TMEM255A: variants seen among roughly 807,000 people sequenced by gnomAD.
TMEM255A encodes the protein transmembrane protein 255A, also known as family with sequence similarity 70, member A.
In TMEM255A, 14 loss-of-function variants were observed where a neutral mutation model predicts 23.5. That is an observed-to-expected ratio of 0.60 (90% CI 0.39 to 0.93). The LOEUF is 0.93. TMEM255A is among the 40% of genes least tolerant of loss of function. TMEM255A has a pLI of 0.00. For missense variants in TMEM255A, 233 were observed against 261.7 expected, an observed-to-expected ratio of 0.89 and a Z score of 0.76; for synonymous variants, 104 against 100.3, an observed-to-expected ratio of 1.04 and a Z score of -0.22.
At chrX:120,276,078 G>A (rs1216177494) in intron 7 of TMEM255A, among the ~76,000 whole-genome samples, 1 of 111,350 alleles carries the variant, frequency 9.0e-6, no homozygotes, top group Non-Finnish European at 1.9e-5. Flanking sequence ...TTACAAGCAT[G>A]AGCCACCATG....
downstream of TMEM255A, chrX:120,255,545 T>C: frequency 1.5e-6 from 1 of 671,431 alleles, no homozygotes; most frequent in Non-Finnish European, 2.2e-6. Flanking sequence ...CCACATTATC[T>C]GAAGGAAGTG....
At chrX:120,305,938 C>A (rs959978701) in intron 1 of TMEM255A, among the ~76,000 whole-genome samples, 2 of 111,667 alleles carry the variant, frequency 1.8e-5, no homozygotes, top group Non-Finnish European at 3.8e-5. Flanking sequence ...TCTCCCCTGA[C>A]GTCAGCTTCG....
At chrX:120,296,364 G>A (rs1483804452) in intron 2 of TMEM255A, among the ~76,000 whole-genome samples, 2 of 70,984 alleles carry the variant, frequency 2.8e-5, no homozygotes, top group Admixed American at 3.0e-4. Context: ...ACTTCATCCA[G>A]TTATCTCCCC....
chrX:120,280,862 T>C (rs1405994335), intron 6 of TMEM255A, among the ~76,000 whole-genome samples: 4 of 108,869 alleles, frequency 3.7e-5, no homozygotes, highest in African/African-American at 1.3e-4. Flanking sequence ...TCCCCCTGCA[T>C]TGAAGGTATT....
At chrX:120,300,308 T>C (rs1350420621) in intron 2 of TMEM255A, among the ~76,000 whole-genome samples, 1 of 111,970 alleles carries the variant, frequency 8.9e-6, no homozygotes, top group Non-Finnish European at 1.9e-5. Flanking sequence ...TGAAATAAAA[T>C]GCCTTGAATA....
intron 2 of TMEM255A, among the ~76,000 whole-genome samples, chrX:120,302,543 C>T (rs782755671): frequency 7.0e-4 from 70 of 100,556 alleles, no homozygotes; most frequent in Admixed American, 1.7e-3. Flanking sequence ...AAATAAAACC[C>T]AATTCTGCTG....
At position 120,259,423 on chromosome X, in the gene TMEM255A, T is replaced by C. The variant is rs1254601940; in HGVS notation, c.*1447A>G. 1.8e-5 allele frequency: 2 copies of C among 112,404 alleles called. No individual in the cohort carries two copies. Among genetic ancestry groups the C allele is most frequent in the Non-Finnish European group, 3.8e-5 (2 of 53,198 alleles). The allele number at this position is 112,404 out of a possible 1,213,427, so 9.3% of individuals were successfully genotyped here. A position where few individuals can be genotyped will look rare whatever the true frequency, so the allele number is the denominator to read the frequency against. ...TGCCTTGATTCTTGATGGCTAAGTG[T>C]CTACAAGGTAGATGGGAGCACCAGC... On this transcript the variant is annotated 3_prime_UTR_variant, in exon 9 of 9. Coordinates refer to ENST00000371369, the MANE Select transcript of TMEM255A (RefSeq NM_001104544.3).
intron 2 of TMEM255A, among the ~76,000 whole-genome samples, chrX:120,297,629 T>C (rs6646654): frequency 0.31 from 33,994 of 110,206 alleles, 4,187 homozygotes; most frequent in East Asian, 0.57. Flanking sequence ...TCCCATTTGA[T>C]AGACAGGAAA....
intron 7 of TMEM255A, among the ~76,000 whole-genome samples, chrX:120,268,732 C>G (rs1418185510): frequency 9.0e-6 from 1 of 111,571 alleles, no homozygotes; most frequent in East Asian, 2.8e-4. Flanking sequence ...TATAGGGATT[C>G]TTAACTTTCT....
At chrX:120,286,115 A>G in intron 5 of TMEM255A, 1 of 270,339 alleles carries the variant, frequency 3.7e-6, no homozygotes. Flanking sequence ...TAGTAAATTT[A>G]TGGTTGTTAA....
intron 8 of TMEM255A, among the ~76,000 whole-genome samples, chrX:120,265,838 T>C (rs1184795958): frequency 9.0e-6 from 1 of 110,790 alleles, no homozygotes; most frequent in Non-Finnish European, 1.9e-5. Flanking sequence ...CAGTGAATAG[T>C]AGCTGTTATT....
Position 120,276,913 on chromosome X carries a change from G to A in TMEM255A, c.647C>T (p.Ala216Val), listed in dbSNP as rs782759709. The change falls in exon 7 of 9, where the codon GCC becomes GTC. Residue 216 changes from alanine (A) to valine (V), a missense_variant. By Grantham distance (64) the Ala-to-Val change is moderately conservative (BLOSUM62 0). Transcript: ENST00000371369. ...IVGLFLGIIT[A>V]AVLGGFKDMN... ...GTCCTTAAAGCCTCCAAGGACAGCG[G>A]CAGTGATGATGCCCAGGAACAGGCC... 1 of 1,209,856 alleles carries A rather than the reference G, an allele frequency of 8.3e-7. No homozygotes were observed. Among genetic ancestry groups the A allele is most frequent in the African/African-American group, 1.7e-5 (1 of 57,280 alleles).
downstream of TMEM255A, chrX:120,255,028 C>T: frequency 8.3e-7 from 1 of 1,211,864 alleles, no homozygotes; most frequent in Non-Finnish European, 1.1e-6. Context: ...GAATATCGCA[C>T]AAAGCATGAA....
chrX:120,261,140 CAG>C, intron 8 of TMEM255A, 112 bp from the exon 9 acceptor site: 5 of 975,406 alleles, frequency 5.1e-6, no homozygotes, highest in Non-Finnish European at 6.7e-6. Flanking sequence ...TTTGGAAGAA[CAG>C]AGAGCTCCCA....
In TMEM255A at chrX:120,261,045, AAACGT is replaced by A. The variant is rs1262394401; in HGVS notation, c.820-22_820-18del. On this transcript the variant is annotated intron_variant, in intron 8 of 8. Coordinates refer to ENST00000371369, the MANE Select transcript of TMEM255A (RefSeq NM_001104544.3). ...ACCGGAATGCTGTGTGATAAAAAGA[AAACGT>A]TAGTTTAGGCAGTGAGTTTGCAATT... 5 of 1,184,420 alleles carry A rather than the reference AAACGT, an allele frequency of 4.2e-6. No individual in the cohort carries two copies. Among genetic ancestry groups the A allele is most frequent in the South Asian group, 3.8e-5 (2 of 52,781 alleles).
At chrX:120,253,899 A>G (rs891079666), downstream of TMEM255A, 14 of 1,211,423 alleles carry the variant, frequency 1.2e-5, no homozygotes, top group Non-Finnish European at 1.6e-5. Context: ...TAATGGGGCT[A>G]CTATAATGCC....
chrX:120,275,784 A>ATTTTTTTTTTTTTTTTTTT (rs11342181), intron 7 of TMEM255A, among the ~76,000 whole-genome samples: 8 of 60,250 alleles, frequency 1.3e-4, no homozygotes, highest in African/African-American at 2.8e-4. Flanking sequence ...GAGCCCAAGC[A>ATTTTTTTTTTTTTTTTTTT]TTTTTTTTTT....
intron 3 of TMEM255A, among the ~76,000 whole-genome samples, chrX:120,293,270 G>A (rs1569338517): frequency 8.9e-6 from 1 of 112,527 alleles, no homozygotes; most frequent in Non-Finnish European, 1.9e-5. Flanking sequence ...CAATATGCTT[G>A]CAATTCAGTC....
At chrX:120,291,381 G>C (rs782700596) in intron 3 of TMEM255A, 41 bp from the exon 4 acceptor site, 1 of 1,082,606 alleles carries the variant, frequency 9.2e-7, no homozygotes, top group Non-Finnish European at 1.3e-6. Flanking sequence ...TTAGCCTTTC[G>C]CACTTGCTGC....
Sources: allele counts gnomAD v4.1 joint callset (sites outside exome capture counted in the v4.1 genomes callset), GRCh38; gene constraint gnomAD v4.1.1; transcripts MANE v1.5; gene names NCBI Gene and HGNC (gene_info 2026-07-23, HGNC 2026-07-21).